Variants in DENND4C observed in about 807,000 individuals in gnomAD.
DENND4C encodes DENN domain-containing protein 4C.
A neutral mutation model predicts 203.0 loss-of-function variants in DENND4C; 108 were observed. The observed-to-expected ratio is 0.53, with a 90% CI of 0.46 to 0.62. The LOEUF is 0.62. Ranked by LOEUF, DENND4C falls within the 20% of genes least tolerant of loss-of-function variation. The pLI, the probability that DENND4C is intolerant of heterozygous loss-of-function variation, is 0.00. For missense variants in DENND4C, 2,481 were observed against 2,301.2 expected, an observed-to-expected ratio of 1.08 and a Z score of -1.60; for synonymous variants, 871 against 792.4, an observed-to-expected ratio of 1.10 and a Z score of -1.67.
intron 30 of DENND4C, among the ~76,000 whole-genome samples, chr9:19,363,877 G>A (rs1827045615): frequency 6.6e-6 from 1 of 152,062 alleles, no homozygotes; most frequent in African/African-American, 2.4e-5. Context: ...AGCCAGGCTT[G>A]GTGATGCACG....
At chr9:19,362,381 A>G (rs1257457036) in intron 30 of DENND4C, among the ~76,000 whole-genome samples, 2 of 152,202 alleles carry the variant, frequency 1.3e-5, no homozygotes, top group African/African-American at 4.8e-5. Context: ...GGCACATTCC[A>G]TCCATACTGT....
intron 1 of DENND4C, among the ~76,000 whole-genome samples, chr9:19,231,157 G>A (rs1310372263): frequency 6.6e-6 from 1 of 152,226 alleles, no homozygotes; most frequent in Non-Finnish European, 1.5e-5. Flanking sequence ...TCTGGGCCCG[G>A]GGGACCGCCG....
intron 29 of DENND4C, 100 bp downstream of exon 29, chr9:19,360,589 T>G: frequency 6.9e-7 from 1 of 1,453,058 alleles, no homozygotes; most frequent in Non-Finnish European, 9.4e-7. Context: ...ACAAGACAGA[T>G]TTATTTCTCT....
intron 9 of DENND4C, among the ~76,000 whole-genome samples, chr9:19,301,074 A>C (rs1838467545): frequency 6.6e-6 from 1 of 151,990 alleles, no homozygotes; most frequent in Non-Finnish European, 1.5e-5. Flanking sequence ...GCTACTCAGG[A>C]GGCTGAGGCA....
intron 1 of DENND4C, among the ~76,000 whole-genome samples, chr9:19,237,370 G>A (rs539498278): frequency 1.3e-5 from 2 of 150,652 alleles, no homozygotes; most frequent in Admixed American, 6.6e-5. Context: ...TTTTGTTTTT[G>A]AGGCAGAGTC....
chr9:19,350,136 T>G (rs1242402235), intron 23 of DENND4C, among the ~76,000 whole-genome samples: 1 of 152,228 alleles, frequency 6.6e-6, no homozygotes, highest in African/African-American at 2.4e-5. Context: ...AGAACTACAG[T>G]GTTTGAAACT....
In DENND4C at chr9:19,372,496, T is replaced by G; in HGVS notation, c.*323T>G. ...GGAACCATATTCATTCTAGGCATTG[T>G]TTATATTTGAAGTTACTGAGTTTGA... is the stretch of plus-strand genomic sequence containing the variant. On this transcript the variant is annotated 3_prime_UTR_variant, in exon 33 of 33. Transcript: ENST00000434457. 1 of 199,348 alleles carries G rather than the reference T, an allele frequency of 5.0e-6. No individual in the cohort carries two copies. Among genetic ancestry groups the G allele is most frequent in the Non-Finnish European group, 1.0e-5 (1 of 99,324 alleles). The allele number at this position is 199,348 out of a possible 1,614,324, so 12.3% of individuals were successfully genotyped here. A position where few individuals can be genotyped will look rare whatever the true frequency, so the allele number is the denominator to read the frequency against.
In DENND4C at chr9:19,316,366, A is replaced by G. The variant is rs1309771971; in HGVS notation, c.1488-51A>G. 2.0e-6 allele frequency: 3 copies of G among 1,483,604 alleles called. No homozygotes were observed. In the East Asian group the frequency reaches 6.9e-5, roughly 34 times the overall value. The allele number at this position is 1,483,604 out of a possible 1,614,324, so 91.9% of individuals were successfully genotyped here. On this transcript the variant is annotated intron_variant, in intron 10 of 32. Coordinates refer to ENST00000434457, the MANE Select transcript of DENND4C (RefSeq NM_001330640.2). ...GGTTGATGCAAGAATTTTGTCTAGT[A>G]AAAGCAGATTATGAATAACACATTT...
chr9:19,267,458 CT>C (rs1379037324), intron 1 of DENND4C, among the ~76,000 whole-genome samples: 1 of 152,068 alleles, frequency 6.6e-6, no homozygotes, highest in Non-Finnish European at 1.5e-5. Flanking sequence ...CCTGGAATAT[CT>C]TTTTTGACCC....
rs778122179 is a variant in DENND4C, at chr9:19,341,129, T to C, written c.3004+15T>C. ...GCAAACAGAAGGTTAAGTACTGATA[T>C]TTACGAACTTTACTTAGAATAATAC... On this transcript the variant is annotated intron_variant, in intron 21 of 32. Coordinates refer to ENST00000434457, the MANE Select transcript of DENND4C (RefSeq NM_001330640.2). The C allele has an allele frequency of 5.7e-6, 9 of 1,583,746 alleles. No individual in the cohort carries two copies. The highest frequency in any genetic ancestry group is 6.9e-6 in the Non-Finnish European group (8 of 1,164,796).
At chr9:19,303,664 A>G (rs10123360) in intron 9 of DENND4C, among the ~76,000 whole-genome samples, 76,125 of 152,024 alleles carry the variant, frequency 0.5, 20,054 homozygotes, top group South Asian at 0.6. Context: ...ATGTTTGAAG[A>G]CAAAATTCCA....
intron 12 of DENND4C, among the ~76,000 whole-genome samples, chr9:19,322,736 A>G (rs1190645885): frequency 6.6e-6 from 1 of 151,676 alleles, no homozygotes; most frequent in Non-Finnish European, 1.5e-5. Flanking sequence ...CATCTCAAAA[A>G]AAAAAAAAAA....
Position 19,352,158 on chromosome 9 carries a change from C to G in DENND4C, c.4581C>G (p.Ser1527Arg). ...HGSSQNTSMS[S>R]IYQNCAMEVL... Reference sequence around the variant, plus strand: ...CTTCTCAAAATACCAGCATGTCTAGCATCTATCAGAATTGTGCAATGGAGG... The same window carrying G: ...CTTCTCAAAATACCAGCATGTCTAGGATCTATCAGAATTGTGCAATGGAGG... The change falls in exon 25 of 33, where the codon AGC becomes AGG. Residue 1527 changes from serine to arginine, a missense_variant. Around this residue, in one of 3 missense-constraint regions of DENND4C, gnomAD observed 2,289 missense variants for 2,113.3 expected, o/e 1.08. Coordinates refer to ENST00000434457, the MANE Select transcript of DENND4C (RefSeq NM_001330640.2). The G allele has an allele frequency of 6.2e-7, 1 of 1,613,804 alleles. No individual in the cohort carries two copies. The highest frequency in any genetic ancestry group is 8.5e-7 in the Non-Finnish European group (1 of 1,179,864).
chr9:19,324,392 C>G lies in DENND4C; in HGVS notation c.1838C>G (p.Ala613Gly). The G allele has an allele frequency of 6.2e-7, 1 of 1,606,532 alleles. No homozygotes were observed. The highest frequency in any genetic ancestry group is 8.5e-7 in the Non-Finnish European group (1 of 1,178,118). Reference sequence around the variant, plus strand: ...TTAAAAAGTCGAGATCGTGCCTATGCAAAATTCTATACCCTTTTATCCAAA... The same window carrying G: ...TTAAAAAGTCGAGATCGTGCCTATGGAAAATTCTATACCCTTTTATCCAAA... ...GFLKSRDRAY[A>G]KFYTLLSKTQ... The change falls in exon 13 of 33, where the codon GCA becomes GGA. Residue 613 changes from alanine (A) to glycine (G), a missense_variant. Around this residue, in one of 3 missense-constraint regions of DENND4C, gnomAD observed 2,289 missense variants for 2,113.3 expected, o/e 1.08. Coordinates refer to ENST00000434457, the MANE Select transcript of DENND4C (RefSeq NM_001330640.2).
At chr9:19,307,281 G>A (rs1839872062) in intron 10 of DENND4C, among the ~76,000 whole-genome samples, 1 of 150,922 alleles carries the variant, frequency 6.6e-6, no homozygotes, top group Admixed American at 6.6e-5. Context: ...TGTAGTCCCA[G>A]CTACACAGGC....
At chr9:19,280,118 C>T (rs970482829) in intron 2 of DENND4C, among the ~76,000 whole-genome samples, 9 of 134,770 alleles carry the variant, frequency 6.7e-5, no homozygotes, top group Admixed American at 3.9e-4. Flanking sequence ...GCTTGCCTTC[C>T]TGCCTTCCTG....
chr9:19,339,950 T>A (rs903588859), intron 20 of DENND4C, among the ~76,000 whole-genome samples: 2 of 152,220 alleles, frequency 1.3e-5, no homozygotes, highest in African/African-American at 4.8e-5. Flanking sequence ...GTCCTCAGAT[T>A]ATCCCCGTGT....
intron 20 of DENND4C, 71 bp from the exon 21 acceptor site, chr9:19,340,921 C>CG: frequency 5.1e-6 from 7 of 1,372,904 alleles, no homozygotes; most frequent in South Asian, 3.3e-5. Context: ...GTGGAATTTT[C>CG]TTGTGATTTT....
At chr9:19,262,790 A>C (rs1829692835) in intron 1 of DENND4C, among the ~76,000 whole-genome samples, 2 of 152,088 alleles carry the variant, frequency 1.3e-5, no homozygotes, top group East Asian at 3.9e-4. Flanking sequence ...GCTGGTCTCA[A>C]ACTCCTGACC....
Sources: gnomAD v4.1 joint callset for allele counts (sites outside exome capture counted in the v4.1 genomes callset) on GRCh38, gnomAD v4.1.1 for gene constraint, gnomAD v4.1.1 regional missense constraint, MANE v1.5 for transcripts, NCBI Gene and HGNC (gene_info 2026-07-23, HGNC 2026-07-21) for gene names.